RMND5A: variants seen among roughly 807,000 people sequenced by gnomAD.
The protein encoded by RMND5A is E3 ubiquitin-protein transferase RMND5A.
In RMND5A, 17 loss-of-function variants were observed where a neutral mutation model predicts 49.7. The observed-to-expected ratio is 0.34, with a 90% CI of 0.23 to 0.51. The LOEUF (loss-of-function observed/expected upper bound fraction) is 0.51, where lower values mean the gene tolerates loss of function less well. Among genes scored for constraint, RMND5A ranks in the 20% least tolerant of loss-of-function variants. The probability of loss-of-function intolerance (pLI) is 0.96; values close to 1 mark genes in which losing one functional copy is unlikely to be tolerated. For missense variants in RMND5A, 255 were observed against 471.3 expected (o/e 0.54, Z 4.25); for synonymous variants, 156 against 167.7 (o/e 0.93, Z 0.54).
intron 4 of RMND5A, among the ~76,000 whole-genome samples, chr2:86,757,164 A>T (rs1681755384): frequency 7.9e-6 from 1 of 126,582 alleles, no homozygotes; most frequent in Admixed American, 9.0e-5. Flanking sequence ...ACAAGAGTGA[A>T]ACTCAGTCTC....
intron 2 of RMND5A, among the ~76,000 whole-genome samples, chr2:86,750,718 G>A (rs190568409): frequency 1.9e-3 from 285 of 150,208 alleles, no homozygotes; most frequent in African/African-American, 6.5e-3. Context: ...CTAGTATTCC[G>A]ATGACACACA....
chr2:86,721,443 T>G (rs1222727001), intron 1 of RMND5A, among the ~76,000 whole-genome samples: 1 of 151,948 alleles, frequency 6.6e-6, no homozygotes, highest in Non-Finnish European at 1.5e-5. Flanking sequence ...GGAAACCAGC[T>G]CAATTCAACC....
chr2:86,754,711 A>G (rs1032435723), intron 4 of RMND5A, among the ~76,000 whole-genome samples: 8 of 151,980 alleles, frequency 5.3e-5, no homozygotes, highest in African/African-American at 1.9e-4. Context: ...CTGTGCCGTT[A>G]TGCCCAGCTA....
chr2:86,748,763 C>T (rs186503050), intron 2 of RMND5A, among the ~76,000 whole-genome samples: 10 of 152,192 alleles, frequency 6.6e-5, no homozygotes, highest in East Asian at 3.9e-4. Context: ...TATATATTAC[C>T]GGATAAAATT....
intron 6 of RMND5A, 128 bp from the exon 7 acceptor site, chr2:86,769,895 C>A: frequency 1.5e-6 from 1 of 648,456 alleles, no homozygotes; most frequent in Non-Finnish European, 2.7e-6. Context: ...TTTAGCAGAA[C>A]AGAAAGCTCT....
intron 4 of RMND5A, among the ~76,000 whole-genome samples, chr2:86,754,210 A>G (rs374787481): frequency 2.6e-5 from 4 of 152,372 alleles, no homozygotes; most frequent in African/African-American, 9.6e-5. Flanking sequence ...ACAACCCTTT[A>G]AAAATTTAAA....
At chr2:86,767,552 A>C (rs995430439) in intron 6 of RMND5A, among the ~76,000 whole-genome samples, 2 of 151,496 alleles carry the variant, frequency 1.3e-5, no homozygotes. Context: ...AGTAGCTGGG[A>C]GTACAGTTGT....
intron 6 of RMND5A, among the ~76,000 whole-genome samples, chr2:86,769,235 C>T (rs1006678448): frequency 6.6e-6 from 1 of 152,198 alleles, no homozygotes; most frequent in African/African-American, 2.4e-5. Context: ...AGTGAGCCAC[C>T]ACCATCTGCT....
At chr2:86,757,034 A>G (rs887781251) in intron 4 of RMND5A, among the ~76,000 whole-genome samples, 8 of 152,062 alleles carry the variant, frequency 5.3e-5, no homozygotes, top group Non-Finnish European at 1.2e-4. Flanking sequence ...TTAGCCAGGT[A>G]TGGTGGCGCA....
At chr2:86,769,410 A>G (rs991000799) in intron 6 of RMND5A, among the ~76,000 whole-genome samples, 4 of 152,208 alleles carry the variant, frequency 2.6e-5, no homozygotes, top group African/African-American at 9.6e-5. Context: ...GTCTGGTGGT[A>G]TATGGTCTGT....
intron 4 of RMND5A, among the ~76,000 whole-genome samples, chr2:86,764,504 T>C (rs1479811511): frequency 6.6e-6 from 1 of 152,236 alleles, no homozygotes; most frequent in South Asian, 2.1e-4. Context: ...AGATTTACTG[T>C]ATGATACTTG....
At chr2:86,725,644 G>A (rs1681278867) in intron 1 of RMND5A, among the ~76,000 whole-genome samples, 1 of 78,338 alleles carries the variant, frequency 1.3e-5, no homozygotes, top group South Asian at 3.4e-4. Flanking sequence ...ACGCGCCTCG[G>A]CCTTCCAAAC....
chr2:86,740,850 C>CGACCA (rs1681435980), intron 1 of RMND5A, 77 bp from the exon 2 acceptor site: 1 of 1,489,692 alleles, frequency 6.7e-7, no homozygotes, highest in African/African-American at 1.4e-5. Context: ...CTTTCATGGT[C>CGACCA]CAAAAGGCCC....
chr2:86,762,635 ACT>A (rs1252434397), intron 4 of RMND5A, among the ~76,000 whole-genome samples: 1 of 117,252 alleles, frequency 8.5e-6, no homozygotes, highest in Admixed American at 9.2e-5. Context: ...ACAGAGTGAA[ACT>A]CTGTCTCAAA....
At chr2:86,741,495 CCTAA>C (rs1487929867) in intron 2 of RMND5A, among the ~76,000 whole-genome samples, 3 of 142,062 alleles carry the variant, frequency 2.1e-5, no homozygotes, top group African/African-American at 5.1e-5. Flanking sequence ...CCTGCATCAT[CCTAA>C]CTGTTTTCTT....
At chr2:86,760,411 C>T (rs1033061058) in intron 4 of RMND5A, among the ~76,000 whole-genome samples, 1 of 152,170 alleles carries the variant, frequency 6.6e-6, no homozygotes, top group East Asian at 1.9e-4. Flanking sequence ...TCGTTTTTAC[C>T]ACAGTTTAGT....
At chr2:86,766,813 A>T (rs1672605806) in intron 6 of RMND5A, among the ~76,000 whole-genome samples, 1 of 152,078 alleles carries the variant, frequency 6.6e-6, no homozygotes, top group South Asian at 2.1e-4. Flanking sequence ...ACACAGCTAG[A>T]CTCCATTTCT....
At chr2:86,762,654 A>T (rs1375626689) in intron 4 of RMND5A, among the ~76,000 whole-genome samples, 6 of 144,786 alleles carry the variant, frequency 4.1e-5, no homozygotes, top group African/African-American at 1.5e-4. Flanking sequence ...CAAAAAAAAA[A>T]AATATTTTTT....
In RMND5A at chr2:86,777,274, T is replaced by G. The variant is rs371473322; in HGVS notation, c.*3863T>G. 6.6e-6 allele frequency: 1 copy of G among 152,216 alleles called. No individual in the cohort carries two copies. The highest frequency in any genetic ancestry group is 2.4e-5 in the African/African-American group (1 of 41,444). 9.4% of individuals were successfully genotyped at this position (152,216 alleles called of 1,614,324 possible). A position where few individuals can be genotyped will look rare whatever the true frequency, so the allele number is the denominator to read the frequency against. On this transcript the variant is annotated 3_prime_UTR_variant, in exon 9 of 9. Coordinates refer to ENST00000283632, the MANE Select transcript of RMND5A (RefSeq NM_022780.4). ...ATGGGTGAGGACCTACATACACTCT[T>G]ACTTTAGCAGTCACTTAACCTTCTC... is the stretch of plus-strand genomic sequence containing the variant.
Sources: gnomAD v4.1 joint callset for allele counts (sites outside exome capture counted in the v4.1 genomes callset) on GRCh38, gnomAD v4.1.1 for gene constraint, MANE v1.5 for transcripts, NCBI Gene and HGNC (gene_info 2026-07-23, HGNC 2026-07-21) for gene names.